Variants in DLGAP2 observed in about 807,000 individuals in gnomAD.
The protein encoded by DLGAP2 is DLG associated protein 2.
DLGAP2 carries 26 observed loss-of-function variants against 100.3 expected under a neutral mutation model. The ratio of observed to expected loss-of-function variants is 0.26; its 90% CI spans 0.19 to 0.36. The LOEUF is 0.36. Among genes scored for constraint, DLGAP2 ranks in the 10% least tolerant of loss-of-function variants. DLGAP2 has a pLI of 1.00. For synonymous variants in DLGAP2, 886 were observed against 630.1 expected (o/e 1.41, Z -6.08); for missense variants, 1,858 against 1,453.2 (o/e 1.28, Z -4.53).
At chr8:1,230,021 G>A (rs2116831418) in intron 2 of DLGAP2, among the ~76,000 whole-genome samples, 1 of 152,212 alleles carries the variant, frequency 6.6e-6, no homozygotes, top group South Asian at 2.1e-4. Context: ...GAACAATCAG[G>A]CAAGAAAACG....
chr8:1,551,314 C>T (rs571247489), intron 5 of DLGAP2, among the ~76,000 whole-genome samples: 2 of 152,204 alleles, frequency 1.3e-5, no homozygotes, highest in African/African-American at 4.8e-5. Context: ...TCCTCATTGT[C>T]ACAGACACAT....
intron 1 of DLGAP2, among the ~76,000 whole-genome samples, chr8:841,443 A>G (rs1796982454): frequency 6.6e-6 from 1 of 152,164 alleles, no homozygotes; most frequent in African/African-American, 2.4e-5. Context: ...ACTTGGAATT[A>G]TCTGTTATCT....
At chr8:1,459,302 G>A (rs112545164) in intron 3 of DLGAP2, among the ~76,000 whole-genome samples, 27 of 144,606 alleles carry the variant, frequency 1.9e-4, no homozygotes, top group South Asian at 4.6e-4. Flanking sequence ...CAAGACCAGC[G>A]TGCGTCCCAG....
intron 8 of DLGAP2, among the ~76,000 whole-genome samples, chr8:1,667,958 G>T (rs779516962): frequency 5.9e-5 from 9 of 152,040 alleles, no homozygotes; most frequent in Middle Eastern, 3.4e-3. Context: ...TGCTGGATTT[G>T]TTGGTATTTT....
intron 3 of DLGAP2, among the ~76,000 whole-genome samples, chr8:1,391,303 G>C (rs1377806579): frequency 1.3e-5 from 2 of 152,196 alleles, no homozygotes; most frequent in Non-Finnish European, 2.9e-5. Context: ...AACGGCCTGA[G>C]GTAGGGGTTT....
chr8:888,295 G>C (rs1407620689), intron 1 of DLGAP2, among the ~76,000 whole-genome samples: 1 of 152,128 alleles, frequency 6.6e-6, no homozygotes, highest in Non-Finnish European at 1.5e-5. Context: ...CTTTTATCAA[G>C]GTTCTTAGCT....
chr8:946,789 C>T lies in DLGAP2; in HGVS notation c.73+38823C>T, dbSNP rs532628947. Among the ~76,000 whole-genome samples the T allele has an allele frequency of 3.1e-3, 477 of 152,360 alleles. 4 individuals carry two copies. Among genetic ancestry groups the T allele is most frequent in the Non-Finnish European group, 3.5e-3 (237 of 68,038 alleles). On this transcript the variant is annotated intron_variant, in intron 2 of 14. Transcript: ENST00000637795. ...GAACTCTGTGGACTGCAGAGCCCTT[C>T]TCATTACAAAAGAACTGCCATTACA...
chr8:879,071 C>A (rs1389834013), intron 1 of DLGAP2, among the ~76,000 whole-genome samples: 2 of 152,184 alleles, frequency 1.3e-5, no homozygotes, highest in Non-Finnish European at 2.9e-5. Context: ...GTGAAAGCAA[C>A]TTGATTACAT....
chr8:1,623,780 C>G (rs746679897), intron 6 of DLGAP2, among the ~76,000 whole-genome samples: 3 of 152,242 alleles, frequency 2.0e-5, no homozygotes, highest in Non-Finnish European at 2.9e-5. Context: ...CTAATGTAAA[C>G]ATTAAATGTG....
intron 10 of DLGAP2, among the ~76,000 whole-genome samples, chr8:1,673,902 A>G (rs1798749342): frequency 6.6e-6 from 1 of 152,164 alleles, no homozygotes; most frequent in Non-Finnish European, 1.5e-5. Context: ...TACTTTTGTT[A>G]TATTTTTCTT....
At chr8:1,680,557 A>C (rs2293974) in intron 12 of DLGAP2, 1 of 151,934 alleles carries the variant, frequency 6.6e-6, no homozygotes, top group Non-Finnish European at 1.5e-5. Flanking sequence ...GGAGGTGACG[A>C]TGGACGCCGA....
intron 2 of DLGAP2, among the ~76,000 whole-genome samples, chr8:910,952 G>A (rs1185133508): frequency 1.3e-5 from 2 of 152,114 alleles, no homozygotes; most frequent in East Asian, 3.9e-4. Flanking sequence ...TTGGGCTGTC[G>A]AGTTTCTGGT....
Position 1,032,312 on chromosome 8 carries a change from C to T in DLGAP2, c.73+124346C>T, listed in dbSNP as rs536623692. Among the ~76,000 whole-genome samples, 1,052 of 152,302 alleles carry T rather than the reference C, an allele frequency of 6.9e-3. 18 individuals carry two copies. Among genetic ancestry groups the T allele is most frequent in the African/African-American group, 0.023 (955 of 41,586 alleles). The stretch of plus-strand genomic sequence containing the variant: ...GGGCAGCCTGGGTCACAGCTGCACC[C>T]GCTCCAGTTGGTGCCCTGGGACAGT... On this transcript the variant is annotated intron_variant, in intron 2 of 14. Coordinates refer to ENST00000637795, the MANE Select transcript of DLGAP2 (RefSeq NM_001346810.2).
In DLGAP2 at chr8:1,376,141, T is replaced by C. The variant is rs567404137; in HGVS notation, c.106+117258T>C. Reference sequence around the variant, plus strand: ...CAGAACTGAGCCCCCACCTCCTACATTTGGGCTGTTTCTCAAATAAGACAA... The same window carrying C: ...CAGAACTGAGCCCCCACCTCCTACACTTGGGCTGTTTCTCAAATAAGACAA... On this transcript the variant is annotated intron_variant, in intron 3 of 14. Transcript: ENST00000637795. Among the ~76,000 whole-genome samples, 833 of 150,948 alleles carry C rather than the reference T, an allele frequency of 5.5e-3. 12 individuals carry two copies. The highest frequency in any genetic ancestry group is 0.019 in the African/African-American group (776 of 40,270).
intron 1 of DLGAP2, among the ~76,000 whole-genome samples, chr8:748,805 G>T (rs1351308391): frequency 6.6e-6 from 1 of 152,190 alleles, no homozygotes; most frequent in African/African-American, 2.4e-5. Flanking sequence ...CAGTGGACAA[G>T]GATGGGTGAA....
At chr8:1,139,618 G>A (rs1037578608) in intron 2 of DLGAP2, among the ~76,000 whole-genome samples, 2 of 152,202 alleles carry the variant, frequency 1.3e-5, no homozygotes, top group Non-Finnish European at 2.9e-5. Flanking sequence ...TCCGTGGCAA[G>A]TAGGAAGCCC....
At chr8:1,201,870 GGT>G (rs1294772938) in intron 2 of DLGAP2, among the ~76,000 whole-genome samples, 1 of 152,286 alleles carries the variant, frequency 6.6e-6, no homozygotes, top group East Asian at 1.9e-4. Flanking sequence ...ATCTATCTGT[GGT>G]GTGTGTGTAA....
intron 6 of DLGAP2, among the ~76,000 whole-genome samples, chr8:1,572,606 G>GAT: frequency 7.2e-6 from 1 of 138,408 alleles, no homozygotes; most frequent in Non-Finnish European, 1.6e-5. Flanking sequence ...GGAGAGGAGA[G>GAT]GGTGAACTGT....
At chr8:1,283,851 A>T (rs1799870086) in intron 3 of DLGAP2, among the ~76,000 whole-genome samples, 1 of 152,230 alleles carries the variant, frequency 6.6e-6, no homozygotes, top group Non-Finnish European at 1.5e-5. Context: ...AGAGTAAACT[A>T]CATCGTTCGT....
Sources: gnomAD v4.1 joint callset for allele counts (sites outside exome capture counted in the v4.1 genomes callset) on GRCh38, gnomAD v4.1.1 for gene constraint, MANE v1.5 for transcripts, NCBI Gene and HGNC (gene_info 2026-07-23, HGNC 2026-07-21) for gene names.